Variants in TIMM23 observed in about 807,000 individuals in gnomAD.
TIMM23 encodes mitochondrial import inner membrane translocase subunit Tim23.
TIMM23 carries 19 observed loss-of-function variants against 30.7 expected under a neutral mutation model. The observed-to-expected ratio is 0.62, with a 90% CI of 0.43 to 0.91. The LOEUF (loss-of-function observed/expected upper bound fraction) is 0.91. Ranked by LOEUF, TIMM23 falls within the 40% of genes least tolerant of loss-of-function variation. The pLI is 0.00. For missense variants in TIMM23, 202 were observed against 269.2 expected (o/e 0.75, Z 1.75); for synonymous variants, 78 against 98.5 (o/e 0.79, Z 1.23).
rs1837886546 is a variant in TIMM23 at position 45,982,824 on chromosome 10, G to A, written c.260-22G>A. The A allele has an allele frequency of 4.3e-6, 7 of 1,613,768 alleles. No individual in the cohort carries two copies. The East Asian group carries it at 8.9e-5, about 21-fold the overall frequency. On this transcript the variant is annotated intron_variant, in intron 3 of 6. Coordinates refer to ENST00000580018, the MANE Select transcript of TIMM23 (RefSeq NM_006327.4). ...TTAATATAAAGCTGTCTTTATCTGGGTGAATTGTTATGATTTACCAGGGGC... is the reference window on the plus strand; with the variant it reads ...TTAATATAAAGCTGTCTTTATCTGGATGAATTGTTATGATTTACCAGGGGC...
At chr10:45,998,662 A>G (rs887002434) in intron 6 of TIMM23, among the ~76,000 whole-genome samples, 1 of 152,206 alleles carries the variant, frequency 6.6e-6, no homozygotes, top group South Asian at 2.1e-4. Flanking sequence ...ATGCTATGTG[A>G]TAAGTACAAA....
chr10:45,994,238 C>T (rs1360406543), intron 6 of TIMM23, among the ~76,000 whole-genome samples: 2 of 151,872 alleles, frequency 1.3e-5, no homozygotes, highest in South Asian at 2.1e-4. Flanking sequence ...ACTTGGGAGG[C>T]TGAGAGAGGA....
chr10:45,998,558 A>G (rs1178873988), intron 6 of TIMM23, among the ~76,000 whole-genome samples: 1 of 152,180 alleles, frequency 6.6e-6, no homozygotes, highest in Non-Finnish European at 1.5e-5. Context: ...TAAACTTGCA[A>G]ACACATCAAC....
Position 45,995,192 on chromosome 10 carries a change from T to C in TIMM23, c.514+6345T>C, listed in dbSNP as rs1262361350. On this transcript the variant is annotated intron_variant, in intron 6 of 6. Coordinates refer to ENST00000580018, the MANE Select transcript of TIMM23 (RefSeq NM_006327.4). ...CCAAGAGCTTTCTTTTCATAATTTA[T>C]GTTGGAGGTGTTCCAGACTATGTTA... 3.6e-4 allele frequency among the ~76,000 whole-genome samples: 54 copies of C among 152,112 alleles called. 1 individual carries two copies. In the South Asian group the frequency reaches 0.011, roughly 31 times the overall value.
chr10:45,996,822 G>A (rs879200729), intron 6 of TIMM23, among the ~76,000 whole-genome samples: 2,805 of 149,784 alleles, frequency 0.019, 48 homozygotes, highest in African/African-American at 0.044. Flanking sequence ...AAAATTAGCC[G>A]GGCTTGGTGG....
chr10:45,974,591 C>G (rs1837608797), intron 1 of TIMM23, among the ~76,000 whole-genome samples: 1 of 152,082 alleles, frequency 6.6e-6, no homozygotes, highest in Non-Finnish European at 1.5e-5. Flanking sequence ...TAAGGAGTTT[C>G]GATTTTCTTA....
chr10:45,972,643 A>C lies in TIMM23; in HGVS notation c.19A>C (p.Ser7Arg). The change falls in exon 1 of 7, where the codon AGC becomes CGC. Residue 7 changes from serine to arginine, a missense_variant. Physicochemically the swap from Ser to Arg is moderately radical, Grantham distance 110 (BLOSUM62 -1). Coordinates refer to ENST00000580018, the MANE Select transcript of TIMM23 (RefSeq NM_006327.4). ...CGATACCATGGAAGGAGGCGGGGGA[A>C]GCGGCAACAAAACCACAGGGGGATT... MEGGGG[S>R]GNKTTGGLAG... 7 of 1,613,960 alleles carry C rather than the reference A, an allele frequency of 4.3e-6. No homozygotes were observed. Among genetic ancestry groups the C allele is most frequent in the Non-Finnish European group, 5.9e-6 (7 of 1,179,866 alleles).
intron 5 of TIMM23, among the ~76,000 whole-genome samples, chr10:45,988,329 G>A (rs1476860752): frequency 6.6e-6 from 1 of 152,052 alleles, no homozygotes; most frequent in Non-Finnish European, 1.5e-5. Flanking sequence ...CTGAAATGGG[G>A]GTCTTACAGC....
At chr10:45,992,249 C>T in intron 6 of TIMM23, 2 of 408,330 alleles carry the variant, frequency 4.9e-6, no homozygotes, top group Non-Finnish European at 4.8e-6. Context: ...AGGCGTGAGC[C>T]ACTGTGCCCA....
chr10:46,000,084 C>G (rs959808817), intron 6 of TIMM23, among the ~76,000 whole-genome samples: 1 of 152,126 alleles, frequency 6.6e-6, no homozygotes, highest in African/African-American at 2.4e-5. Context: ...CATATTTGTT[C>G]AAACACACAT....
At chr10:45,990,937 G>A (rs1176023996) in intron 6 of TIMM23, among the ~76,000 whole-genome samples, 24 of 152,228 alleles carry the variant, frequency 1.6e-4, no homozygotes, top group African/African-American at 5.3e-4. Flanking sequence ...GTAGTAGACT[G>A]GTACTCCCTT....
intron 6 of TIMM23, among the ~76,000 whole-genome samples, chr10:45,999,385 A>T (rs1052880608): frequency 2.6e-5 from 4 of 152,000 alleles, no homozygotes; most frequent in Non-Finnish European, 5.9e-5. Flanking sequence ...TATTTTCCTT[A>T]AGCGTCAGCC....
intron 2 of TIMM23, among the ~76,000 whole-genome samples, chr10:45,978,685 G>T (rs1554913528): frequency 6.6e-6 from 1 of 152,136 alleles, no homozygotes; most frequent in Non-Finnish European, 1.5e-5. Flanking sequence ...TACATTGCTG[G>T]TGGGAATGTA....
chr10:45,992,577 TA>T, intron 6 of TIMM23: 2 of 425,644 alleles, frequency 4.7e-6, no homozygotes, highest in South Asian at 1.7e-5. Context: ...TTTTTTTTTT[TA>T]AACGGAGTTT....
rs781906836 is a variant in TIMM23 at position 46,003,258 on chromosome 10, C to G, written c.570C>G (p.Leu190=). The change falls in exon 7 of 7, where the codon CTC becomes CTG. Residue 190 remains leucine (L), a synonymous_variant. Transcript: ENST00000580018. ...TGACAGGACTAACACTTACCAGCCT[C>G]TATGCACTATATAATAACTGGGAGC... ...GGLTGLTLTS[L]YALYNNWEHM... is the part of the protein sequence containing the mutation. The G allele has an allele frequency of 4.6e-5, 75 of 1,614,068 alleles. 1 individual carries two copies. Among genetic ancestry groups the G allele is most frequent in the Non-Finnish European group, 6.0e-5 (71 of 1,180,032 alleles).
intron 6 of TIMM23, among the ~76,000 whole-genome samples, chr10:46,001,875 TTTTTA>T (rs1472164086): frequency 2.0e-5 from 3 of 152,204 alleles, no homozygotes; most frequent in African/African-American, 7.2e-5. Context: ...CAGTTAGGCC[TTTTTA>T]TTTTGAGAAA....
In TIMM23 at chr10:45,999,597, A is replaced by G. The variant is rs587660945; in HGVS notation, c.515-3606A>G. 2.0e-3 allele frequency among the ~76,000 whole-genome samples: 303 copies of G among 152,286 alleles called. 3 individuals are homozygous for G. Among genetic ancestry groups the G allele is most frequent in the East Asian group, 0.019 (98 of 5,186 alleles). On this transcript the variant is annotated intron_variant, in intron 6 of 6. Transcript: ENST00000580018. ...ATCAAGTACTTCACAAGGTAATAGA[A>G]TATCACAAGGCAAATGGAGGCAGGG...
chr10:45,975,377 A>G, intron 1 of TIMM23, 77 bp from the exon 2 acceptor site: 1 of 1,529,600 alleles, frequency 6.5e-7, no homozygotes, highest in Non-Finnish European at 9.0e-7. Flanking sequence ...CACATGTAAC[A>G]GTCAGGAGCT....
intron 6 of TIMM23, among the ~76,000 whole-genome samples, chr10:45,989,859 T>A (rs1248038269): frequency 6.6e-6 from 1 of 152,226 alleles, no homozygotes; most frequent in African/African-American, 2.4e-5. Flanking sequence ...ATTCAAGTAA[T>A]GCCTAATTTA....
Sources: allele counts gnomAD v4.1 joint callset (sites outside exome capture counted in the v4.1 genomes callset), GRCh38; gene constraint gnomAD v4.1.1; transcripts MANE v1.5; gene names NCBI Gene and HGNC (gene_info 2026-07-23, HGNC 2026-07-21).